The following NTN1 variants were observed in gnomAD, a reference collection of about 807,000 sequenced individuals.
The protein encoded by NTN1 is netrin-1.
NTN1 carries 11 observed loss-of-function variants against 54.2 expected under a neutral mutation model. The ratio of observed to expected loss-of-function variants is 0.20; its 90% CI spans 0.13 to 0.34. The LOEUF (loss-of-function observed/expected upper bound fraction) is 0.34. Among genes scored for constraint, NTN1 ranks in the 10% least tolerant of loss-of-function variants. The pLI is 1.00. For missense variants in NTN1, 740 were observed against 893.1 expected, an observed-to-expected ratio of 0.83 and a Z score of 2.18; for synonymous variants, 371 against 382.0, an observed-to-expected ratio of 0.97 and a Z score of 0.33.
chr17:9,044,506 C>A (rs141858866), intron 2 of NTN1, among the ~76,000 whole-genome samples: 1,523 of 152,168 alleles, frequency 0.01, 26 homozygotes, highest in African/African-American at 0.032. Context: ...AAAGTGCAGG[C>A]ATTATAGACA....
At chr17:9,049,901 G>A (rs1415304485) in intron 2 of NTN1, among the ~76,000 whole-genome samples, 1 of 152,176 alleles carries the variant, frequency 6.6e-6, no homozygotes, top group African/African-American at 2.4e-5. Flanking sequence ...ACAGAAATTT[G>A]TTGTACCATT....
intron 2 of NTN1, among the ~76,000 whole-genome samples, chr17:9,159,673 C>T (rs1303590637): frequency 2.6e-5 from 4 of 152,084 alleles, no homozygotes; most frequent in Middle Eastern, 6.8e-3. Flanking sequence ...TGGTGGCAGG[C>T]GCCTGTAATA....
At chr17:9,052,193 A>T (rs568767726) in intron 2 of NTN1, among the ~76,000 whole-genome samples, 1 of 152,116 alleles carries the variant, frequency 6.6e-6, no homozygotes, top group East Asian at 1.9e-4. Flanking sequence ...CTGGTCCCGA[A>T]CTTCTGACCT....
At chr17:9,069,659 C>T (rs1322132390) in intron 2 of NTN1, among the ~76,000 whole-genome samples, 1 of 152,196 alleles carries the variant, frequency 6.6e-6, no homozygotes, top group African/African-American at 2.4e-5. Context: ...CTTCTTGTCA[C>T]CAACTGGGAT....
intron 2 of NTN1, among the ~76,000 whole-genome samples, chr17:9,027,217 AG>A (rs1229512070): frequency 6.6e-6 from 1 of 152,176 alleles, no homozygotes; most frequent in Non-Finnish European, 1.5e-5. Context: ...GCTATAGATG[AG>A]TGAATGTTTT....
At chr17:9,038,727 C>T (rs2091911717) in intron 2 of NTN1, among the ~76,000 whole-genome samples, 2 of 152,106 alleles carry the variant, frequency 1.3e-5, no homozygotes, top group Non-Finnish European at 2.9e-5. Flanking sequence ...AACACTTTGG[C>T]TTTCAGATTT....
chr17:9,137,426 G>A (rs933193652), intron 2 of NTN1, among the ~76,000 whole-genome samples: 7 of 152,200 alleles, frequency 4.6e-5, no homozygotes, highest in African/African-American at 7.2e-5. Flanking sequence ...AGATTGTGGC[G>A]TGAATGAATG....
At chr17:9,089,524 T>C (rs933822382) in intron 2 of NTN1, among the ~76,000 whole-genome samples, 1 of 152,222 alleles carries the variant, frequency 6.6e-6, no homozygotes, top group Non-Finnish European at 1.5e-5. Flanking sequence ...TTCTTGTTGA[T>C]AACGCACAAG....
At chr17:9,064,902 G>T (rs1005859572) in intron 2 of NTN1, among the ~76,000 whole-genome samples, 1 of 152,108 alleles carries the variant, frequency 6.6e-6, no homozygotes, top group Non-Finnish European at 1.5e-5. Flanking sequence ...GGCACTACAG[G>T]TGTGCACCAC....
chr17:9,062,654 A>G (rs1463393721), intron 2 of NTN1, among the ~76,000 whole-genome samples: 1 of 152,222 alleles, frequency 6.6e-6, no homozygotes, highest in Non-Finnish European at 1.5e-5. Context: ...CAGGGCAATC[A>G]GGCACCTTGA....
chr17:9,009,371 C>T, the NTN1 span, among the ~76,000 whole-genome samples: 28 of 152,194 alleles, frequency 1.8e-4, no homozygotes, highest in Admixed American at 7.2e-4. Flanking sequence ...GCTCCCTGGG[C>T]GAGGTCATGT....
intron 2 of NTN1, among the ~76,000 whole-genome samples, chr17:9,045,962 T>A (rs2091940157): frequency 6.6e-6 from 1 of 152,236 alleles, no homozygotes; most frequent in Admixed American, 6.5e-5. Flanking sequence ...GTATCATCAT[T>A]AGCAAACCCC....
At chr17:9,158,286 T>C (rs1352102954) in intron 2 of NTN1, among the ~76,000 whole-genome samples, 1 of 152,120 alleles carries the variant, frequency 6.6e-6, no homozygotes, top group East Asian at 1.9e-4. Flanking sequence ...GCCCCCAGCT[T>C]CCTCCTGGGG....
chr17:9,024,224 C>A (rs2091862869), intron 2 of NTN1, among the ~76,000 whole-genome samples: 1 of 152,016 alleles, frequency 6.6e-6, no homozygotes, highest in South Asian at 2.1e-4. Flanking sequence ...AGAAATGAAG[C>A]TAAAAAAGGA....
intron 3 of NTN1, chr17:9,177,841 AAAC>A (rs2092404998): frequency 1.3e-5 from 2 of 152,284 alleles, no homozygotes; most frequent in Non-Finnish European, 2.9e-5. Context: ...CGAGAGAGAC[AAAC>A]AACAGAGAAT....
chr17:9,049,409 A>C (rs1211674436), intron 2 of NTN1, among the ~76,000 whole-genome samples: 1 of 152,220 alleles, frequency 6.6e-6, no homozygotes, highest in African/African-American at 2.4e-5. Flanking sequence ...AACTGATCAG[A>C]ATTAACATCA....
chr17:9,180,681 C>T (rs1347709524), intron 4 of NTN1, among the ~76,000 whole-genome samples: 1 of 152,206 alleles, frequency 6.6e-6, no homozygotes, highest in Non-Finnish European at 1.5e-5. Flanking sequence ...AGCCCAGGGC[C>T]TTCGAGAGGA....
chr17:9,113,171 C>T (rs1329587423), intron 2 of NTN1, among the ~76,000 whole-genome samples: 1 of 151,344 alleles, frequency 6.6e-6, no homozygotes. Context: ...TTACAGGTGC[C>T]CGCCACCACG....
At chr17:9,021,433 G>A (rs1346903659), upstream of NTN1, 4 of 151,540 alleles carry the variant, frequency 2.6e-5, 1 homozygote, top group South Asian at 6.1e-4. Flanking sequence ...CGGAGCTGGC[G>A]GCAGCTCGCG....
Sources: gnomAD v4.1 joint callset for allele counts (sites outside exome capture counted in the v4.1 genomes callset) on GRCh38, gnomAD v4.1.1 for gene constraint, MANE v1.5 for transcripts, NCBI Gene and HGNC (gene_info 2026-07-23, HGNC 2026-07-21) for gene names.